Variants in TRIM48 observed in about 807,000 individuals in gnomAD.
The protein encoded by TRIM48 is tripartite motif containing 48, also known as E3 ubiquitin-protein ligase TRIM48.
Under a neutral mutation model 29.5 loss-of-function variants are expected in TRIM48, and 31 were observed. The observed-to-expected ratio is 1.05, with a 90% CI of 0.79 to 1.42. The LOEUF is 1.42. TRIM48 is among the 40% of genes most tolerant of loss of function. TRIM48 has a pLI of 0.00. For synonymous variants in TRIM48, 128 were observed against 90.6 expected (o/e 1.41, Z -2.34); for missense variants, 344 against 265.0 (o/e 1.30, Z -2.07).
rs1427677391 is a variant in TRIM48 at position 55,268,274 on chromosome 11, C to T, written c.556-76C>T. ...GAAATAATATCTTGAGGAACTGACT[C>T]CAAATTTCACACTGAACTTAATGAA... On this transcript the variant is annotated intron_variant, in intron 3 of 5. Coordinates refer to ENST00000417545, the MANE Select transcript of TRIM48 (RefSeq NM_024114.5). 1.5e-5 allele frequency: 20 copies of T among 1,295,430 alleles called. 1 individual carries two copies. Among genetic ancestry groups the T allele is most frequent in the Admixed American group, 1.4e-4 (8 of 55,628 alleles). 80.2% of individuals were successfully genotyped at this position (1,295,430 alleles called of 1,614,324 possible).
In TRIM48 at chr11:55,268,048, T is replaced by C. The variant is rs970322935; in HGVS notation, c.556-302T>C. On this transcript the variant is annotated intron_variant, in intron 3 of 5. Coordinates refer to ENST00000417545, the MANE Select transcript of TRIM48 (RefSeq NM_024114.5). Reference sequence around the variant, plus strand: ...TTTTGGGATCCACTCATTTGGATAATAGGTTCTGGGAAAGATGACCGAGTA... The same window carrying C: ...TTTTGGGATCCACTCATTTGGATAACAGGTTCTGGGAAAGATGACCGAGTA... Among the ~76,000 whole-genome samples, 32 of 147,788 alleles carry C rather than the reference T, an allele frequency of 2.2e-4. 2 individuals carry two copies. Among genetic ancestry groups the C allele is most frequent in the African/African-American group, 7.4e-4 (30 of 40,390 alleles).
In TRIM48 at chr11:55,270,375, A is replaced by C. The variant is rs1284011315; in HGVS notation, c.*2-62A>C. ...GATAGAACGATTTTTGCTTATTTAC[A>C]CATGCCTATGCATGTTTTCTTTCTT... On this transcript the variant is annotated intron_variant, in intron 5 of 5. Coordinates refer to ENST00000417545, the MANE Select transcript of TRIM48 (RefSeq NM_024114.5). 3 of 1,302,356 alleles carry C rather than the reference A, an allele frequency of 2.3e-6. No individual in the cohort carries two copies. In the African/African-American group the frequency reaches 4.5e-5, roughly 20 times the overall value. 80.7% of individuals were successfully genotyped at this position (1,302,356 alleles called of 1,614,324 possible). A position where few individuals can be genotyped will look rare whatever the true frequency, so the allele number is the denominator to read the frequency against.
At position 55,267,381 on chromosome 11, in the gene TRIM48, T is replaced by C. The variant is rs1243949733; in HGVS notation, c.556-969T>C. ...TAGGAGATGGATATATACATTTCTC[T>C]TTTGACTAACCCATTATTACTGCCG... On this transcript the variant is annotated intron_variant, in intron 3 of 5. Coordinates refer to ENST00000417545, the MANE Select transcript of TRIM48 (RefSeq NM_024114.5). 15 of 1,564,726 alleles carry C rather than the reference T, an allele frequency of 9.6e-6. 2 individuals are homozygous for C. Among genetic ancestry groups the C allele is most frequent in the Non-Finnish European group, 1.2e-5 (14 of 1,151,948 alleles).
At chr11:55,264,036 C>T (rs1196685171) in intron 1 of TRIM48, among the ~76,000 whole-genome samples, 1 of 152,104 alleles carries the variant, frequency 6.6e-6, no homozygotes, top group East Asian at 1.9e-4. Flanking sequence ...ACAGACCCAC[C>T]CAGAAACAAT....
chr11:55,270,498 A>G lies in TRIM48; in HGVS notation c.*63A>G. ...ATATCTTCCGATGTGGAGATTTGAGAAGCATTTGTATTGGATGTGACCGTC... is the reference window on the plus strand; with the variant it reads ...ATATCTTCCGATGTGGAGATTTGAGGAGCATTTGTATTGGATGTGACCGTC... On this transcript the variant is annotated 3_prime_UTR_variant, in exon 6 of 6. Coordinates refer to ENST00000417545, the MANE Select transcript of TRIM48 (RefSeq NM_024114.5). The G allele has an allele frequency of 1.9e-6, 3 of 1,574,554 alleles. No homozygotes were observed. The highest frequency in any genetic ancestry group is 2.4e-5 in the South Asian group (2 of 83,046).
At chr11:55,268,595 G>A (rs1409273025) in intron 4 of TRIM48, among the ~76,000 whole-genome samples, 2 of 147,638 alleles carry the variant, frequency 1.4e-5, no homozygotes, top group Non-Finnish European at 3.0e-5. Flanking sequence ...TCCTGACTTT[G>A]TTTTATTGCT....
Position 55,265,212 on chromosome 11 carries a change from C to T in TRIM48, c.357C>T (p.Phe119=), listed in dbSNP as rs1335931801. 1.3e-6 allele frequency: 2 copies of T among 1,582,862 alleles called. No homozygotes were observed. Among genetic ancestry groups the T allele is most frequent in the Non-Finnish European group, 1.7e-6 (2 of 1,166,264 alleles). The change falls in exon 2 of 6, where the codon TTC becomes TTT. Residue 119 remains phenylalanine, a synonymous_variant. Coordinates refer to ENST00000417545, the MANE Select transcript of TRIM48 (RefSeq NM_024114.5). ...TTCACAGGGAGACAAAGAAGATGTT[C>T]TGTGAAGTGGACAGGAGCCTGCTCT... ...CGIHRETKKM[F]CEVDRSLLCL...
At chr11:55,267,601 T>C (rs1857413190) in intron 3 of TRIM48, 1 of 1,563,944 alleles carries the variant, frequency 6.4e-7, no homozygotes, top group Non-Finnish European at 8.7e-7. Context: ...GCGGAGCTGA[T>C]GAAAATGTGC....
At chr11:55,268,432 G>C (rs371509508) in intron 4 of TRIM48, 60 bp downstream of exon 4, 4 of 1,461,628 alleles carry the variant, frequency 2.7e-6, no homozygotes, top group Non-Finnish European at 2.8e-6. Context: ...ATCAAAGCAG[G>C]CTCTACCAAA....
intron 1 of TRIM48, among the ~76,000 whole-genome samples, chr11:55,263,171 C>T (rs934819179): frequency 6.6e-6 from 1 of 152,078 alleles, no homozygotes; most frequent in African/African-American, 2.4e-5. Context: ...GTTTACTGCA[C>T]CTTTTCTGTA....
chr11:55,262,848 T>C (rs1330854594), intron 1 of TRIM48, among the ~76,000 whole-genome samples: 1 of 152,128 alleles, frequency 6.6e-6, no homozygotes, highest in African/African-American at 2.4e-5. Flanking sequence ...TGATGGTGGT[T>C]GCCATCTCAC....
In TRIM48 at chr11:55,270,682, G is replaced by A; in HGVS notation, c.*247G>A. ...GTATTGGAAAGGGAAGAATCAGAAT[G>A]GCAATATATATGGAGAGGAGGGACT... On this transcript the variant is annotated 3_prime_UTR_variant, in exon 6 of 6. Coordinates refer to ENST00000417545, the MANE Select transcript of TRIM48 (RefSeq NM_024114.5). 1 of 1,573,892 alleles carries A rather than the reference G, an allele frequency of 6.4e-7. No homozygotes were observed. The highest frequency in any genetic ancestry group is 8.6e-7 in the Non-Finnish European group (1 of 1,157,462).
chr11:55,265,529 C>T, intron 2 of TRIM48, 71 bp from the exon 3 acceptor site: 3 of 1,532,464 alleles, frequency 2.0e-6, no homozygotes, highest in Non-Finnish European at 2.7e-6. Flanking sequence ...TTCTGGGCCC[C>T]CTCCCAATGA....
chr11:55,265,410 C>A (rs1857377646), intron 2 of TRIM48, 96 bp downstream of exon 2: 1 of 1,540,022 alleles, frequency 6.5e-7, no homozygotes, highest in Non-Finnish European at 8.7e-7. Flanking sequence ...ACTCTGAGTC[C>A]CTTTAAGCAA....
intron 3 of TRIM48, chr11:55,267,642 C>A (rs1857413654): frequency 6.4e-7 from 1 of 1,562,356 alleles, no homozygotes; most frequent in Non-Finnish European, 8.7e-7. Context: ...ACTTCAGGTA[C>A]AAACTCGCAA....
intron 5 of TRIM48, among the ~76,000 whole-genome samples, chr11:55,269,568 T>C (rs1216416004): frequency 6.8e-6 from 1 of 147,246 alleles, no homozygotes; most frequent in Admixed American, 6.9e-5. Context: ...TACTGAGTAA[T>C]GTAATGGGAA....
Position 55,267,454 on chromosome 11 carries a change from G to T in TRIM48, c.556-896G>T, listed in dbSNP as rs1857410730. The stretch of plus-strand genomic sequence containing the variant: ...AAGCTATTAAAGCTGAGTATCAGAA[G>T]ATGCCTGCATTTCATCATGAAGAAG... On this transcript the variant is annotated intron_variant, in intron 3 of 5. Coordinates refer to ENST00000417545, the MANE Select transcript of TRIM48 (RefSeq NM_024114.5). 7.0e-6 allele frequency: 11 copies of T among 1,579,250 alleles called. 1 individual carries two copies. The highest frequency in any genetic ancestry group is 7.7e-6 in the Non-Finnish European group (9 of 1,163,308).
At chr11:55,270,186 G>C (rs1033894923) in intron 5 of TRIM48, among the ~76,000 whole-genome samples, 3 of 147,934 alleles carry the variant, frequency 2.0e-5, no homozygotes, top group African/African-American at 7.4e-5. Context: ...AAAGAAGTTG[G>C]TCTTACATTT....
intron 1 of TRIM48, among the ~76,000 whole-genome samples, chr11:55,263,143 A>T (rs1650447884): frequency 6.6e-6 from 1 of 152,152 alleles, no homozygotes; most frequent in Non-Finnish European, 1.5e-5. Context: ...TGGTCACATA[A>T]GATTATAATA....
Sources: allele counts gnomAD v4.1 joint callset (sites outside exome capture counted in the v4.1 genomes callset), GRCh38; gene constraint gnomAD v4.1.1; transcripts MANE v1.5; gene names NCBI Gene and HGNC (gene_info 2026-07-23, HGNC 2026-07-21).